The following DOP1B variants were observed in gnomAD, a reference collection of about 807,000 sequenced individuals.
The protein encoded by DOP1B is DOP1 leucine zipper like protein B, also known as protein DOP1B.
In DOP1B, 174 loss-of-function variants were observed where a neutral mutation model predicts 233.5. The ratio of observed to expected loss-of-function variants is 0.75; its 90% CI spans 0.66 to 0.85. DOP1B has a LOEUF of 0.85. Among genes scored for constraint, DOP1B ranks in the 40% least tolerant of loss-of-function variants. DOP1B has a pLI of 0.00. For synonymous variants in DOP1B, 1,190 were observed against 1,185.6 expected, an observed-to-expected ratio of 1.00 and a Z score of -0.08; for missense variants, 2,652 against 2,846.6, an observed-to-expected ratio of 0.93 and a Z score of 1.56.
chr21:36,227,841 T>C lies in DOP1B; in HGVS notation c.1629T>C (p.Pro543=), dbSNP rs1411754540. ...TGCTCAGCAAAGTCCAGATGCCTCC[T>C]TCCTACCTCGACACGGAGTCCACCA... The part of the protein sequence containing the change: ...FKVLSKVQMP[P]SYLDTESTSG... The change falls in exon 13 of 37, where the codon CCT becomes CCC. Residue 543 remains proline (P), a synonymous_variant. Transcript: ENST00000691173. The C allele has an allele frequency of 6.2e-7, 1 of 1,609,296 alleles. No homozygotes were observed. The highest frequency in any genetic ancestry group is 8.5e-7 in the Non-Finnish European group (1 of 1,176,574).
chr21:36,238,679 T>G lies in DOP1B; in HGVS notation c.2854T>G (p.Ser952Ala). The G allele has an allele frequency of 6.2e-7, 1 of 1,614,208 alleles. No individual in the cohort carries two copies. Among genetic ancestry groups the G allele is most frequent in the Non-Finnish European group, 8.5e-7 (1 of 1,180,028 alleles). Residue 952 changes from serine (S) to alanine (A), a missense_variant, in exon 17 of 37, where the codon TCT (serine) becomes GCT (alanine). Physicochemically the swap from Ser to Ala is moderately conservative, Grantham distance 99. Around this residue, in one of 3 missense-constraint regions of DOP1B, gnomAD observed 2,617 missense variants for 2,794.3 expected, o/e 0.94. Transcript: ENST00000691173. ...TREIQGSRVT[S>A]HNRSFDRSLF... ...AGAGATCCAAGGCAGTCGAGTAACATCTCACAATCGCTCCTTTGATAGGTG... is the reference window on the plus strand; with the variant it reads ...AGAGATCCAAGGCAGTCGAGTAACAGCTCACAATCGCTCCTTTGATAGGTG...
chr21:36,253,040 G>A (rs1000736414), intron 22 of DOP1B, among the ~76,000 whole-genome samples: 1 of 152,178 alleles, frequency 6.6e-6, no homozygotes, highest in African/African-American at 2.4e-5. Context: ...AGTGTCCAAG[G>A]CCACCCTCCT....
At chr21:36,211,877 T>C in intron 6 of DOP1B, 97 bp from the exon 7 acceptor site, 3 of 1,560,990 alleles carry the variant, frequency 1.9e-6, no homozygotes, top group East Asian at 2.2e-5. Flanking sequence ...CATTTTGAGA[T>C]AGAGCTTTGC....
chr21:36,218,529 AAAT>A (rs2066586720), intron 9 of DOP1B, among the ~76,000 whole-genome samples: 2 of 152,172 alleles, frequency 1.3e-5, no homozygotes, highest in East Asian at 3.9e-4. Flanking sequence ...TCTCCAAAAA[AAAT>A]AATAATAAAT....
At chr21:36,171,001 C>T (rs777223435) in intron 2 of DOP1B, among the ~76,000 whole-genome samples, 4 of 152,120 alleles carry the variant, frequency 2.6e-5, no homozygotes, top group Non-Finnish European at 5.9e-5. Context: ...TGCCTGAGGC[C>T]GCTGACATTC....
intron 17 of DOP1B, among the ~76,000 whole-genome samples, chr21:36,239,039 G>T (rs2066860497): frequency 6.6e-6 from 1 of 152,122 alleles, no homozygotes; most frequent in Non-Finnish European, 1.5e-5. Context: ...GGAGGCAAAG[G>T]TTGCAGTGAG....
At chr21:36,207,415 C>T (rs890314570) in intron 4 of DOP1B, among the ~76,000 whole-genome samples, 2 of 151,768 alleles carry the variant, frequency 1.3e-5, no homozygotes, top group African/African-American at 4.8e-5. Context: ...AAACTCCTGA[C>T]CTCAGGTGAT....
chr21:36,250,777 G>A (rs2067023717), intron 21 of DOP1B, among the ~76,000 whole-genome samples: 1 of 152,226 alleles, frequency 6.6e-6, no homozygotes, highest in Non-Finnish European at 1.5e-5. Context: ...AGGCTGTGGG[G>A]TTTCCAGATG....
intron 27 of DOP1B, among the ~76,000 whole-genome samples, chr21:36,272,984 C>CA (rs1167312513): frequency 0.014 from 775 of 56,636 alleles, 10 homozygotes; most frequent in African/African-American, 0.025. Flanking sequence ...AACTCCATCT[C>CA]AAAAAAAAAA....
At chr21:36,243,651 ACTCTT>A (rs2066919021) in intron 18 of DOP1B, among the ~76,000 whole-genome samples, 1 of 146,652 alleles carries the variant, frequency 6.8e-6, no homozygotes, top group Non-Finnish European at 1.5e-5. Flanking sequence ...TCTACATAAT[ACTCTT>A]CTGCTGCTTG....
At chr21:36,269,292 A>AT (rs1378739995) in intron 26 of DOP1B, among the ~76,000 whole-genome samples, 1 of 151,784 alleles carries the variant, frequency 6.6e-6, no homozygotes, top group African/African-American at 2.4e-5. Flanking sequence ...AGTAGCTGGG[A>AT]TTACAGGCAT....
At chr21:36,195,275 A>G (rs1475238136) in intron 2 of DOP1B, among the ~76,000 whole-genome samples, 2 of 138,894 alleles carry the variant, frequency 1.4e-5, no homozygotes, top group South Asian at 2.4e-4. Flanking sequence ...TGGGAGGTGG[A>G]GGTTGCAGTG....
At chr21:36,205,865 C>T (rs1024400407) in intron 4 of DOP1B, among the ~76,000 whole-genome samples, 1 of 151,962 alleles carries the variant, frequency 6.6e-6, no homozygotes, top group Non-Finnish European at 1.5e-5. Flanking sequence ...CAAAAATTAG[C>T]CAGGCATGGT....
At chr21:36,282,746 C>T (rs1375428928) in intron 32 of DOP1B, among the ~76,000 whole-genome samples, 5 of 152,024 alleles carry the variant, frequency 3.3e-5, no homozygotes, top group Admixed American at 3.3e-4. Flanking sequence ...GAGGCCAAGG[C>T]GGGTGGATCT....
At chr21:36,262,517 T>C (rs1021051454) in intron 24 of DOP1B, among the ~76,000 whole-genome samples, 2 of 152,150 alleles carry the variant, frequency 1.3e-5, no homozygotes, top group African/African-American at 4.8e-5. Flanking sequence ...TCCTGGGACC[T>C]AATGCTTTGC....
intron 26 of DOP1B, 77 bp downstream of exon 26, chr21:36,263,891 AG>A: frequency 7.3e-7 from 1 of 1,366,080 alleles, no homozygotes; most frequent in Non-Finnish European, 1.0e-6. Flanking sequence ...ATCAGATAGC[AG>A]GTAGACAAGA....
Position 36,210,559 on chromosome 21 carries a change from C to T in DOP1B, c.682-994C>T, listed in dbSNP as rs534720599. ...ACTCAGGAGGCTGAGACAAAGGAAT[C>T]GCTTGAACCTGGGAGGCGGGGGTTG... is the stretch of plus-strand genomic sequence containing the variant. On this transcript the variant is annotated intron_variant, in intron 5 of 36. Transcript: ENST00000691173. 1.3e-4 allele frequency among the ~76,000 whole-genome samples: 20 copies of T among 152,266 alleles called. No individual in the cohort carries two copies. In the South Asian group the frequency reaches 3.9e-3, roughly 30 times the overall value.
chr21:36,172,763 T>C (rs928404595), intron 2 of DOP1B, among the ~76,000 whole-genome samples: 10 of 151,984 alleles, frequency 6.6e-5, no homozygotes, highest in African/African-American at 2.4e-4. Flanking sequence ...AAAAGGAATT[T>C]TTTTAAGGCT....
chr21:36,212,664 A>G (rs963299415), intron 7 of DOP1B, among the ~76,000 whole-genome samples: 1 of 152,212 alleles, frequency 6.6e-6, no homozygotes, highest in Admixed American at 6.5e-5. Flanking sequence ...AGGAAATTGC[A>G]ACTTTAAAGA....
Sources: allele counts gnomAD v4.1 joint callset (sites outside exome capture counted in the v4.1 genomes callset), GRCh38; gene constraint gnomAD v4.1.1; regional missense constraint gnomAD v4.1.1; transcripts MANE v1.5; gene names NCBI Gene and HGNC (gene_info 2026-07-23, HGNC 2026-07-21).